Variants in ELMO1 observed in about 807,000 individuals in gnomAD.
ELMO1 encodes engulfment and cell motility 1, also known as engulfment and cell motility protein 1.
ELMO1 carries 26 observed loss-of-function variants against 98.9 expected under a neutral mutation model. The observed-to-expected ratio is 0.26, with a 90% CI of 0.19 to 0.36. The LOEUF (loss-of-function observed/expected upper bound fraction) is 0.36. Among genes scored for constraint, ELMO1 ranks in the 10% least tolerant of loss-of-function variants. The probability of loss-of-function intolerance (pLI) is 1.00; values close to 1 mark genes in which losing one functional copy is unlikely to be tolerated. For synonymous variants in ELMO1, 346 were observed against 346.0 expected, an observed-to-expected ratio of 1.00 and a Z score of 0.00; for missense variants, 627 against 935.2, an observed-to-expected ratio of 0.67 and a Z score of 4.30.
intron 1 of ELMO1, among the ~76,000 whole-genome samples, chr7:37,406,587 G>A (rs999785782): frequency 1.3e-4 from 20 of 151,632 alleles, no homozygotes; most frequent in African/African-American, 4.6e-4. Flanking sequence ...CTACCATCAC[G>A]CCCGGATAAT....
At chr7:36,885,479 G>T (rs991078220) in intron 18 of ELMO1, among the ~76,000 whole-genome samples, 3 of 152,186 alleles carry the variant, frequency 2.0e-5, no homozygotes, top group Non-Finnish European at 2.9e-5. Flanking sequence ...CTAGGAGCTA[G>T]GTTGTGAGGG....
intron 14 of ELMO1, among the ~76,000 whole-genome samples, chr7:37,132,681 G>A (rs1304730804): frequency 1.3e-5 from 2 of 152,168 alleles, no homozygotes; most frequent in Admixed American, 1.3e-4. Flanking sequence ...AGAATTTGAC[G>A]AGTCTGACGT....
chr7:37,294,260 G>A (rs560695163), intron 4 of ELMO1, among the ~76,000 whole-genome samples: 4 of 151,976 alleles, frequency 2.6e-5, no homozygotes, highest in South Asian at 4.2e-4. Context: ...GGGAGGCTGA[G>A]ACAGGAGAAT....
intron 13 of ELMO1, among the ~76,000 whole-genome samples, chr7:37,141,711 A>G (rs1787655397): frequency 6.6e-6 from 1 of 152,234 alleles, no homozygotes; most frequent in Non-Finnish European, 1.5e-5. Context: ...GTCCCTGGAT[A>G]AACAGCATGA....
intron 14 of ELMO1, among the ~76,000 whole-genome samples, chr7:37,127,975 C>CT (rs1786648564): frequency 6.6e-6 from 1 of 152,124 alleles, no homozygotes; most frequent in Admixed American, 6.5e-5. Flanking sequence ...GGCAGATCAT[C>CT]TGAGGTCAGG....
At chr7:37,206,832 T>TA (rs560316269) in intron 13 of ELMO1, among the ~76,000 whole-genome samples, 1,423 of 142,110 alleles carry the variant, frequency 0.01, 18 homozygotes, top group African/African-American at 0.021. Context: ...TTTCTTTTTT[T>TA]AAAAAAAAAA....
At position 37,153,701 on chromosome 7, in the gene ELMO1, T is replaced by C. The variant is rs552193068; in HGVS notation, c.1087-20467A>G. 2.6e-5 allele frequency among the ~76,000 whole-genome samples: 4 copies of C among 152,284 alleles called. No homozygotes were observed. In the East Asian group the frequency reaches 7.7e-4, roughly 29 times the overall value. On this transcript the variant is annotated intron_variant, in intron 13 of 21. Coordinates refer to ENST00000310758, the MANE Select transcript of ELMO1 (RefSeq NM_014800.11). ...ACAGCTCAGCAAGGCCTACTGCCTCTCTAGATTCCACCTCTGGAGGCAGGG... is the reference window on the plus strand; with the variant it reads ...ACAGCTCAGCAAGGCCTACTGCCTCCCTAGATTCCACCTCTGGAGGCAGGG...
intron 15 of ELMO1, among the ~76,000 whole-genome samples, chr7:37,053,667 T>G (rs916226780): frequency 6.6e-6 from 1 of 152,198 alleles, no homozygotes; most frequent in Non-Finnish European, 1.5e-5. Flanking sequence ...AACTATATTT[T>G]TGTGAGTGTA....
intron 13 of ELMO1, among the ~76,000 whole-genome samples, chr7:37,170,685 C>T (rs1790092416): frequency 6.6e-6 from 1 of 151,066 alleles, no homozygotes; most frequent in African/African-American, 2.4e-5. Flanking sequence ...TCTCAGCTCA[C>T]TGTCTCTGCC....
chr7:37,181,568 TAA>T (rs1043301849), intron 13 of ELMO1, among the ~76,000 whole-genome samples: 1 of 152,060 alleles, frequency 6.6e-6, no homozygotes, highest in African/African-American at 2.4e-5. Context: ...GAGATACATA[TAA>T]AGACCATTAA....
intron 1 of ELMO1, among the ~76,000 whole-genome samples, chr7:37,416,182 C>T (rs1237829828): frequency 1.3e-5 from 2 of 152,150 alleles, no homozygotes. Flanking sequence ...CACTTACTTC[C>T]TAAATCAGAT....
At chr7:37,425,639 T>C (rs1804665848) in intron 1 of ELMO1, among the ~76,000 whole-genome samples, 2 of 152,204 alleles carry the variant, frequency 1.3e-5, no homozygotes, top group African/African-American at 4.8e-5. Flanking sequence ...GGCCAAGTAA[T>C]CACAAACGTC....
At chr7:36,902,519 C>A (rs1329507540) in intron 16 of ELMO1, among the ~76,000 whole-genome samples, 2 of 152,204 alleles carry the variant, frequency 1.3e-5, no homozygotes, top group Non-Finnish European at 2.9e-5. Flanking sequence ...GCTTACGGGG[C>A]ATCACATCAA....
rs746646684 is a variant in ELMO1 at position 37,076,591 on chromosome 7, T to A, written c.1300+20028A>T. ...CCAAACCTCTAGTTAGCCAAAATAGTTCAGTAAGTGTTATTGGCTATGATT... is the reference window on the plus strand; with the variant it reads ...CCAAACCTCTAGTTAGCCAAAATAGATCAGTAAGTGTTATTGGCTATGATT... On this transcript the variant is annotated intron_variant, in intron 15 of 21. Transcript: ENST00000310758. Among the ~76,000 whole-genome samples the A allele has an allele frequency of 5.5e-4, 84 of 152,194 alleles. 1 individual carries two copies. The highest frequency in any genetic ancestry group is 6.3e-3 in the Middle Eastern group (2 of 316).
At chr7:37,164,450 C>T (rs980242486) in intron 13 of ELMO1, among the ~76,000 whole-genome samples, 1 of 152,090 alleles carries the variant, frequency 6.6e-6, no homozygotes, top group Admixed American at 6.5e-5. Flanking sequence ...AGGTTTTCTT[C>T]TAGGGTTTTT....
intron 15 of ELMO1, among the ~76,000 whole-genome samples, chr7:37,088,487 T>C (rs1017297420): frequency 6.6e-6 from 1 of 152,202 alleles, no homozygotes; most frequent in Non-Finnish European, 1.5e-5. Flanking sequence ...AAATAGTGCA[T>C]TTTACAGTTA....
At chr7:37,268,988 T>C (rs1339633537) in intron 5 of ELMO1, among the ~76,000 whole-genome samples, 1 of 152,232 alleles carries the variant, frequency 6.6e-6, no homozygotes, top group African/African-American at 2.4e-5. Context: ...ATGTCCTTAT[T>C]TGGCTTCAGG....
chr7:37,186,834 C>G (rs967734762), intron 13 of ELMO1, among the ~76,000 whole-genome samples: 1 of 152,132 alleles, frequency 6.6e-6, no homozygotes, highest in African/African-American at 2.4e-5. Flanking sequence ...CCTGAAAACA[C>G]TGAAATCTTC....
chr7:37,058,301 G>A (rs1796494684), intron 15 of ELMO1, among the ~76,000 whole-genome samples: 1 of 152,164 alleles, frequency 6.6e-6, no homozygotes, highest in Non-Finnish European at 1.5e-5. Context: ...CAACAGAGGT[G>A]CAAAATTTAA....
Sources: gnomAD v4.1 joint callset for allele counts (sites outside exome capture counted in the v4.1 genomes callset) on GRCh38, gnomAD v4.1.1 for gene constraint, MANE v1.5 for transcripts, NCBI Gene and HGNC (gene_info 2026-07-23, HGNC 2026-07-21) for gene names.